GCNA: variants seen among roughly 807,000 people sequenced by gnomAD.
GCNA encodes the protein germ cell nuclear acidic protein.
In GCNA, 3 loss-of-function variants were observed where a neutral mutation model predicts 38.8. The observed-to-expected ratio is 0.08, with a 90% CI of 0.04 to 0.20. The LOEUF is 0.20. Among genes scored for constraint, GCNA ranks in the 10% least tolerant of loss-of-function variants. GCNA has a pLI of 1.00. For synonymous variants in GCNA, 195 were observed against 240.2 expected, an observed-to-expected ratio of 0.81 and a Z score of 1.74; for missense variants, 446 against 578.6, an observed-to-expected ratio of 0.77 and a Z score of 2.35.
intron 4 of GCNA, among the ~76,000 whole-genome samples, chrX:71,593,921 G>A (rs2040649632): frequency 9.1e-6 from 1 of 110,272 alleles, no homozygotes; most frequent in Non-Finnish European, 1.9e-5. Flanking sequence ...CACCATCATA[G>A]CTCACTGCAA....
chrX:71,584,638 G>A (rs1259485808), intron 2 of GCNA, among the ~76,000 whole-genome samples: 1 of 111,425 alleles, frequency 9.0e-6, no homozygotes, highest in African/African-American at 3.3e-5. Context: ...GCCGAGGCGG[G>A]CGGATCACGA....
intron 2 of GCNA, among the ~76,000 whole-genome samples, chrX:71,587,484 C>T (rs1443265987): frequency 9.0e-6 from 1 of 110,980 alleles, no homozygotes; most frequent in Non-Finnish European, 1.9e-5. Flanking sequence ...AATACTATTA[C>T]AAGATAGCCT....
chrX:71,607,953 G>T lies in GCNA; in HGVS notation c.1467-1020G>T, dbSNP rs781363155. ...GCCCACTTTGGCTAGAGTGTCAGTG[G>T]TAGCTGGGAATAGAGCTTTGGACAG... On this transcript the variant is annotated intron_variant, in intron 9 of 12. Transcript: ENST00000373696. Among the ~76,000 whole-genome samples the T allele has an allele frequency of 1.2e-4, 13 of 112,385 alleles. 1 individual carries two copies. The South Asian group carries it at 4.8e-3, about 41-fold the overall frequency.
chrX:71,611,779 A>G (rs745376565), intron 11 of GCNA, among the ~76,000 whole-genome samples: 66 of 111,652 alleles, frequency 5.9e-4, no homozygotes, highest in Non-Finnish European at 6.6e-4. Context: ...CCTCATAAAA[A>G]AATGAGCATG....
intron 4 of GCNA, among the ~76,000 whole-genome samples, chrX:71,593,502 C>T (rs759694581): frequency 9.0e-6 from 1 of 111,414 alleles, no homozygotes; most frequent in Non-Finnish European, 1.9e-5. Flanking sequence ...GCATAACTCT[C>T]GTAAGTGATA....
intron 2 of GCNA, among the ~76,000 whole-genome samples, chrX:71,588,445 T>A (rs2040599104): frequency 8.9e-6 from 1 of 112,374 alleles, no homozygotes; most frequent in South Asian, 3.6e-4. Flanking sequence ...TAATTTTGAA[T>A]AATTTGGCAG....
intron 2 of GCNA, among the ~76,000 whole-genome samples, chrX:71,581,637 C>CTGGCTAACCATTTGGAAAAAAA (rs2040547397): frequency 8.9e-6 from 1 of 112,170 alleles, no homozygotes; most frequent in South Asian, 3.7e-4. Context: ...TTGAGGATAA[C>CTGGCTAACCATTTGGAAAAAAA]TGGCTAACCA....
At chrX:71,579,797 G>A (rs896766044) in intron 1 of GCNA, among the ~76,000 whole-genome samples, 81 of 107,175 alleles carry the variant, frequency 7.6e-4, no homozygotes, top group Non-Finnish European at 3.3e-4. Context: ...GGGAAGGGTG[G>A]TGGGGTTGAG....
chrX:71,587,597 T>C (rs1304035940), intron 2 of GCNA, among the ~76,000 whole-genome samples: 2 of 111,373 alleles, frequency 1.8e-5, no homozygotes, highest in Admixed American at 9.5e-5. Flanking sequence ...ACCTAGTGGA[T>C]TGGCTATGTT....
At chrX:71,596,158 G>T (rs1260603189) in intron 6 of GCNA, among the ~76,000 whole-genome samples, 1 of 112,108 alleles carries the variant, frequency 8.9e-6, no homozygotes, top group Non-Finnish European at 1.9e-5. Context: ...GGAGGTTGCA[G>T]TGAGCCAAGA....
intron 2 of GCNA, among the ~76,000 whole-genome samples, chrX:71,585,768 C>T (rs972613898): frequency 4.7e-5 from 5 of 105,284 alleles, no homozygotes; most frequent in African/African-American, 1.7e-4. Context: ...TACATTTTTA[C>T]ACACAGAAAA....
At chrX:71,594,700 T>C (rs1207697955) in intron 5 of GCNA, 46 bp from the exon 6 acceptor site, 10 of 934,815 alleles carry the variant, frequency 1.1e-5, no homozygotes, top group Non-Finnish European at 7.4e-6. Context: ...CAACCAGATT[T>C]TTTCATGCTT....
chrX:71,610,412 G>A (rs1602185824), intron 10 of GCNA, among the ~76,000 whole-genome samples: 1 of 111,820 alleles, frequency 8.9e-6, no homozygotes. Context: ...TCAGGAGTTC[G>A]AGACCAGCCT....
chrX:71,613,130 C>A lies in GCNA; in HGVS notation c.*148C>A. On this transcript the variant is annotated 3_prime_UTR_variant, in exon 13 of 13. Transcript: ENST00000373696. ...TTATCTTAGAGTATATTAATGTGAG[C>A]TATATCCTTTACTGGTAAGAAGTTT... is the stretch of plus-strand genomic sequence containing the variant. 3.9e-6 allele frequency: 3 copies of A among 777,549 alleles called. No homozygotes were observed. Among genetic ancestry groups the A allele is most frequent in the Admixed American group, 3.6e-5 (1 of 27,691 alleles). 64.1% of individuals were successfully genotyped at this position (777,549 alleles called of 1,213,427 possible). A position where few individuals can be genotyped will look rare whatever the true frequency, so the allele number is the denominator to read the frequency against.
Position 71,612,477 on chromosome X carries a change from C to A in GCNA, c.1873C>A (p.Pro625Thr), listed in dbSNP as rs1484456502. 4 of 1,209,277 alleles carry A rather than the reference C, an allele frequency of 3.3e-6. No homozygotes were observed. Among genetic ancestry groups the A allele is most frequent in the Non-Finnish European group, 4.5e-6 (4 of 894,623 alleles). The change falls in exon 12 of 13, where the codon CCG becomes ACG. Residue 625 changes from proline to threonine, a missense_variant. Transcript: ENST00000373696. ...TGCCAGGAAATCCAACAGGATACAC[C>A]CGGAGCTGCCCAGGGTCACCCGTTG... ...YYARKSNRIHPELPRVTRCHN... is the reference protein window; with the variant it reads ...YYARKSNRIHTELPRVTRCHN...
At chrX:71,610,252 A>G (rs2040799877) in intron 10 of GCNA, among the ~76,000 whole-genome samples, 1 of 111,895 alleles carries the variant, frequency 8.9e-6, no homozygotes, top group South Asian at 3.7e-4. Flanking sequence ...AACCTGGGGG[A>G]GAAGGTTCTT....
In GCNA at chrX:71,598,036, A is replaced by G; in HGVS notation, c.308A>G (p.Asp103Gly). 1.7e-6 allele frequency: 2 copies of G among 1,192,621 alleles called. No individual in the cohort carries two copies. The highest frequency in any genetic ancestry group is 2.2e-5 in the Admixed American group (1 of 45,993). The stretch of plus-strand genomic sequence containing the variant: ...GCTAAGTTATTGGAAATAAACAGCG[A>G]CGGCAAGTATATATTACTTTGTTAG... ...KKAKLLEINSDDESPECCHVK... is the reference protein window; with the variant it reads ...KKAKLLEINSGDESPECCHVK... The change falls in exon 7 of 13, where the codon GAC (aspartate) becomes GGC (glycine). Residue 103 changes from aspartate (D) to glycine (G), a missense_variant and splice_region_variant. By Grantham distance (94) the Asp-to-Gly change is moderately conservative. Transcript: ENST00000373696.
chrX:71,579,158 G>A (rs1281823949), intron 1 of GCNA, among the ~76,000 whole-genome samples: 2 of 105,001 alleles, frequency 1.9e-5, no homozygotes, highest in Non-Finnish European at 3.9e-5. Context: ...GGGGAGAAGT[G>A]AGGGCGCTGG....
intron 1 of GCNA, among the ~76,000 whole-genome samples, chrX:71,579,193 G>A (rs1454922482): frequency 6.7e-5 from 7 of 104,483 alleles, no homozygotes; most frequent in African/African-American, 2.5e-4. Context: ...GGAGGTGGGG[G>A]CCCCAGTGGT....
Sources: allele counts gnomAD v4.1 joint callset (sites outside exome capture counted in the v4.1 genomes callset), GRCh38; gene constraint gnomAD v4.1.1; transcripts MANE v1.5; gene names NCBI Gene and HGNC (gene_info 2026-07-23, HGNC 2026-07-21).